Variants in BCAS3 observed in about 807,000 individuals in gnomAD.
BCAS3 encodes BCAS4/BCAS3 fusion.
A neutral mutation model predicts 116.1 loss-of-function variants in BCAS3; 53 were observed. That is an observed-to-expected ratio of 0.46 (90% CI 0.37 to 0.57). The LOEUF (loss-of-function observed/expected upper bound fraction) is 0.57, where lower values mean the gene tolerates loss of function less well. Ranked by LOEUF, BCAS3 falls within the 20% of genes least tolerant of loss-of-function variation. BCAS3 has a pLI of 0.00. For missense variants in BCAS3, 917 were observed against 1,165.4 expected, an observed-to-expected ratio of 0.79 and a Z score of 3.10; for synonymous variants, 391 against 408.2, an observed-to-expected ratio of 0.96 and a Z score of 0.51.
At chr17:60,788,662 G>A (rs73990981) in intron 6 of BCAS3, among the ~76,000 whole-genome samples, 3 of 152,004 alleles carry the variant, frequency 2.0e-5, no homozygotes, top group African/African-American at 7.3e-5. Flanking sequence ...TGTTGATGGT[G>A]CCTGGAGCCT....
At chr17:61,272,542 G>A (rs1324640385) in intron 22 of BCAS3, among the ~76,000 whole-genome samples, 1 of 149,856 alleles carries the variant, frequency 6.7e-6, no homozygotes, top group African/African-American at 2.5e-5. Flanking sequence ...GGGAGGCTGA[G>A]GTGGGAGGAT....
intron 8 of BCAS3, among the ~76,000 whole-genome samples, chr17:60,873,625 T>C (rs1359795043): frequency 2.0e-5 from 3 of 152,214 alleles, no homozygotes; most frequent in Admixed American, 2.0e-4. Context: ...TAAATTATTT[T>C]CTAATTATCT....
Position 61,224,898 on chromosome 17 carries a change from G to C in BCAS3, c.2425+140334G>C, listed in dbSNP as rs2082293113. Among the ~76,000 whole-genome samples the C allele has an allele frequency of 6.6e-6, 1 of 152,210 alleles. No individual in the cohort carries two copies. Among genetic ancestry groups the C allele is most frequent in the Admixed American group, 6.5e-5 (1 of 15,288 alleles). On this transcript the variant is annotated intron_variant, in intron 22 of 23. Coordinates refer to ENST00000407086, the MANE Select transcript of BCAS3 (RefSeq NM_017679.5). The surrounding 1 kb of genome is among the most constrained non-coding windows in gnomAD (Gnocchi z 5.7). The stretch of plus-strand genomic sequence containing the variant: ...AGTGGCTACCATATTGAACTGCACA[G>C]ATCTAGAACATTTGGAACCCATTCT...
chr17:61,074,345 T>C (rs2071746793), intron 19 of BCAS3, among the ~76,000 whole-genome samples: 1 of 152,172 alleles, frequency 6.6e-6, no homozygotes, highest in South Asian at 2.1e-4. Context: ...CTGGTTCATA[T>C]TAGGAACTCA....
rs138716295 is a variant in BCAS3 at position 60,768,221 on chromosome 17, T to C, written c.403+20942T>C. Among the ~76,000 whole-genome samples, 349 of 152,330 alleles carry C rather than the reference T, an allele frequency of 2.3e-3. 6 individuals are homozygous for C. The highest frequency in any genetic ancestry group is 0.017 in the East Asian group (88 of 5,184). On this transcript the variant is annotated intron_variant, in intron 6 of 23. Transcript: ENST00000407086. ...TTTCCTTGGTAGCTGTGATGGTTAA[T>C]ACTGAGTGTCAACTTGATTGGATTG...
In BCAS3 at chr17:60,810,197, C is replaced by G. The variant is rs368155543; in HGVS notation, c.476+2121C>G. ...TCACCACTTGCTCCACGTTCTCCAC[C>G]AAACTACCAGTCTCTGGGCTCTGTG... On this transcript the variant is annotated intron_variant, in intron 7 of 23. Coordinates refer to ENST00000407086, the MANE Select transcript of BCAS3 (RefSeq NM_017679.5). 1.1e-3 allele frequency: 479 copies of G among 426,464 alleles called. 1 individual carries two copies. Among genetic ancestry groups the G allele is most frequent in the African/African-American group, 9.3e-3 (449 of 48,480 alleles). 26.4% of individuals were successfully genotyped at this position (426,464 alleles called of 1,614,324 possible).
At chr17:61,254,859 T>G (rs890855324) in intron 22 of BCAS3, among the ~76,000 whole-genome samples, 1 of 150,364 alleles carries the variant, frequency 6.7e-6, no homozygotes. Context: ...AAGTCGTTCA[T>G]CCTGACCAAG....
intron 22 of BCAS3, among the ~76,000 whole-genome samples, chr17:61,351,914 C>T (rs2057874263): frequency 6.6e-6 from 1 of 152,224 alleles, no homozygotes; most frequent in Admixed American, 6.5e-5. Context: ...AGAGGACATA[C>T]AGCTCGTCTC....
intron 19 of BCAS3, 78 bp from the exon 20 acceptor site, chr17:61,074,842 T>A (rs941465562): frequency 2.3e-6 from 2 of 869,620 alleles, no homozygotes; most frequent in African/African-American, 3.4e-5. Flanking sequence ...TACCATAGTA[T>A]CCAAAATGGT....
chr17:60,681,130 A>G (rs2033034254), intron 2 of BCAS3, among the ~76,000 whole-genome samples: 1 of 152,170 alleles, frequency 6.6e-6, no homozygotes, highest in South Asian at 2.1e-4. Context: ...ACCTCGGCCC[A>G]GGAGCTTGAA....
rs747061854 is a variant in BCAS3 at position 61,229,863 on chromosome 17, G to A, written c.2426-138464G>A. On this transcript the variant is annotated intron_variant, in intron 22 of 23. Transcript: ENST00000407086. This position sits in a 1 kb window ranked among gnomAD's most constrained non-coding sequence, Gnocchi z 4.4. The stretch of plus-strand genomic sequence containing the variant: ...GTGTTGGCTGGGCGCGATGGCTTAC[G>A]CCTGTAATCCCAGCACTTTGGGAGG... Among the ~76,000 whole-genome samples, 9 of 152,198 alleles carry A rather than the reference G, an allele frequency of 5.9e-5. No individual in the cohort carries two copies. Among genetic ancestry groups the A allele is most frequent in the African/African-American group, 9.6e-5 (4 of 41,458 alleles).
At chr17:60,963,617 G>C (rs374152227) in intron 14 of BCAS3, among the ~76,000 whole-genome samples, 1 of 149,286 alleles carries the variant, frequency 6.7e-6, no homozygotes, top group Admixed American at 6.7e-5. Context: ...GTGCAGTGGC[G>C]CAATCTCAGC....
chr17:60,815,699 AG>A (rs2049320449), intron 7 of BCAS3, among the ~76,000 whole-genome samples: 1 of 152,238 alleles, frequency 6.6e-6, no homozygotes, highest in African/African-American at 2.4e-5. Flanking sequence ...AATAATGGAA[AG>A]AGTAGGAGAA....
At chr17:60,713,260 G>GT (rs2038149124) in intron 5 of BCAS3, among the ~76,000 whole-genome samples, 1 of 152,062 alleles carries the variant, frequency 6.6e-6, no homozygotes, top group Non-Finnish European at 1.5e-5. Context: ...GAGCCCCAGT[G>GT]TTTTCATTTG....
At chr17:60,795,521 T>C (rs1048574994) in intron 6 of BCAS3, among the ~76,000 whole-genome samples, 3 of 152,300 alleles carry the variant, frequency 2.0e-5, no homozygotes, top group African/African-American at 7.2e-5. Flanking sequence ...GCTTTCAACT[T>C]TTCCCCATTC....
At chr17:60,711,654 G>T (rs565149273) in intron 5 of BCAS3, among the ~76,000 whole-genome samples, 10 of 152,118 alleles carry the variant, frequency 6.6e-5, no homozygotes, top group Admixed American at 6.5e-4. Flanking sequence ...AGTAATTAAG[G>T]TCTTTATTTC....
chr17:61,070,490 T>C (rs866118769), intron 19 of BCAS3: 5 of 178,840 alleles, frequency 2.8e-5, no homozygotes, highest in South Asian at 1.7e-4. Context: ...TTTTTTTGAA[T>C]GTATAGTTCT....
At chr17:60,812,935 T>C (rs2048972569) in intron 7 of BCAS3, among the ~76,000 whole-genome samples, 1 of 152,090 alleles carries the variant, frequency 6.6e-6, no homozygotes, top group African/African-American at 2.4e-5. Context: ...AAGAGATAAG[T>C]TCCCACGATG....
rs201407349 is a variant in BCAS3, at chr17:61,026,884, G to A, written c.1638-7782G>A. On this transcript the variant is annotated intron_variant, in intron 16 of 23. Transcript: ENST00000407086. The surrounding 1 kb of genome is among the most constrained non-coding windows in gnomAD (Gnocchi z 5.0). ...CATGAAGGCCTTATCTCTTTGGAGC[G>A]GGGTGTTTTTCCATAAAAGCCCCAT... 124 of 1,601,396 alleles carry A rather than the reference G, an allele frequency of 7.7e-5. No individual in the cohort carries two copies. Among genetic ancestry groups the A allele is most frequent in the African/African-American group, 2.3e-4 (17 of 74,734 alleles).
Sources: gnomAD v4.1 joint callset for allele counts (sites outside exome capture counted in the v4.1 genomes callset) on GRCh38, gnomAD v4.1.1 for gene constraint, Gnocchi (gnomAD v3.1) non-coding constraint, MANE v1.5 for transcripts, NCBI Gene and HGNC (gene_info 2026-07-23, HGNC 2026-07-21) for gene names.